The following RGPD8 variants were observed in gnomAD, a reference collection of about 807,000 sequenced individuals.
RGPD8 encodes RANBP2-like and GRIP domain-containing protein 8.
RGPD8 carries 15 observed loss-of-function variants against 89.1 expected under a neutral mutation model. The observed-to-expected ratio is 0.17, with a 90% CI of 0.11 to 0.26. The LOEUF is 0.26. Among genes scored for constraint, RGPD8 ranks in the 10% least tolerant of loss-of-function variants. The pLI is 1.00. For missense variants in RGPD8, 178 were observed against 1,179.6 expected, an observed-to-expected ratio of 0.15 and a Z score of 12.44; for synonymous variants, 62 against 420.9, an observed-to-expected ratio of 0.15 and a Z score of 10.44.
chr2:112,433,598 C>G lies in RGPD8; in HGVS notation c.-145G>C. On this transcript the variant is annotated 5_prime_UTR_variant, in exon 1 of 23. Coordinates refer to ENST00000302558, the MANE Select transcript of RGPD8 (RefSeq NM_001164463.1). Reference sequence around the variant, plus strand: ...CACTGTGACGAGCGTGCGGCGCCGCCCACGGAGGCCCACTGTGACGAACCT... The same window carrying G: ...CACTGTGACGAGCGTGCGGCGCCGCGCACGGAGGCCCACTGTGACGAACCT... 2 of 857,462 alleles carry G rather than the reference C, an allele frequency of 2.3e-6. No individual in the cohort carries two copies. Among genetic ancestry groups the G allele is most frequent in the Non-Finnish European group, 3.5e-6 (2 of 568,710 alleles). 53.1% of individuals were successfully genotyped at this position (857,462 alleles called of 1,614,324 possible).
chr2:112,381,678 A>T (rs1678303929), intron 20 of RGPD8, among the ~76,000 whole-genome samples: 1 of 144,640 alleles, frequency 6.9e-6, no homozygotes, highest in East Asian at 2.0e-4. Context: ...TCACTACAAA[A>T]ATTTAGCATT....
intron 22 of RGPD8, among the ~76,000 whole-genome samples, chr2:112,373,305 C>A (rs1392038265): frequency 1.3e-5 from 2 of 152,290 alleles, no homozygotes; most frequent in Non-Finnish European, 2.9e-5. Context: ...AGTCATTTTA[C>A]CTTATAACGC....
intron 20 of RGPD8, among the ~76,000 whole-genome samples, chr2:112,385,513 TG>T (rs1678441864): frequency 8.6e-6 from 1 of 116,590 alleles, no homozygotes; most frequent in African/African-American, 3.3e-5. Flanking sequence ...CCTCACAAGG[TG>T]GCTAGTCCAA....
At chr2:112,433,080 C>T (rs1680124659) in intron 1 of RGPD8, among the ~76,000 whole-genome samples, 1 of 97,346 alleles carries the variant, frequency 1.0e-5, no homozygotes, top group African/African-American at 3.0e-5. Flanking sequence ...CAACAGAGCG[C>T]GCCAGGGAGC....
At chr2:112,433,136 G>C (rs1437242773) in intron 1 of RGPD8, among the ~76,000 whole-genome samples, 2 of 118,634 alleles carry the variant, frequency 1.7e-5, no homozygotes, top group African/African-American at 6.3e-5. Context: ...GGCCGCCGCC[G>C]GGCCGGGTCG....
chr2:112,377,289 T>G lies in RGPD8; in HGVS notation c.5263+764A>C, dbSNP rs1346855303. 5.1e-5 allele frequency among the ~76,000 whole-genome samples: 4 copies of G among 78,952 alleles called. 1 individual carries two copies. Among genetic ancestry groups the G allele is most frequent in the Middle Eastern group, 0.01 (2 of 200 alleles). 51.8% of individuals were successfully genotyped at this position (78,952 alleles called of 152,430 possible). A position where few individuals can be genotyped will look rare whatever the true frequency, so the allele number is the denominator to read the frequency against. On this transcript the variant is annotated intron_variant, in intron 22 of 22. Transcript: ENST00000302558. ...CTCTAACTACATCATAGTTTTTTTT[T>G]TTTTTTTTTTTGAGATGGAGTCTCG...
intron 1 of RGPD8, among the ~76,000 whole-genome samples, chr2:112,426,331 A>C (rs1388069175): frequency 6.6e-6 from 1 of 151,994 alleles, no homozygotes; most frequent in East Asian, 1.9e-4. Flanking sequence ...GAGCACATAC[A>C]GCATGAATAT....
chr2:112,380,441 CAGG>C lies in RGPD8; in HGVS notation c.5061+380_5061+382del, dbSNP rs1247580164. On this transcript the variant is annotated intron_variant, in intron 21 of 22. Coordinates refer to ENST00000302558, the MANE Select transcript of RGPD8 (RefSeq NM_001164463.1). ...GGCCAAGGCAGGTGGATCACGAGGT[CAGG>C]AGATCGAGACCATCCTGGCTAACAT... Among the ~76,000 whole-genome samples, 17 of 138,224 alleles carry C rather than the reference CAGG, an allele frequency of 1.2e-4. 1 individual carries two copies. Among genetic ancestry groups the C allele is most frequent in the Middle Eastern group, 3.7e-3 (1 of 272 alleles). The allele number at this position is 138,224 out of a possible 152,430, so 90.7% of individuals were successfully genotyped here. A position where few individuals can be genotyped will look rare whatever the true frequency, so the allele number is the denominator to read the frequency against.
intron 7 of RGPD8, among the ~76,000 whole-genome samples, chr2:112,411,252 T>C (rs1218096885): frequency 2.2e-5 from 3 of 138,948 alleles, no homozygotes; most frequent in African/African-American, 8.3e-5. Flanking sequence ...TCGAAAGTTA[T>C]GCAAGCTCAT....
chr2:112,414,454 G>A (rs1278411677), intron 6 of RGPD8, among the ~76,000 whole-genome samples: 97 of 105,908 alleles, frequency 9.2e-4, no homozygotes, highest in African/African-American at 3.7e-3. Flanking sequence ...TCTAGCCTGG[G>A]CAACAAGAGC....
chr2:112,426,338 AT>A (rs1679766672), intron 1 of RGPD8, among the ~76,000 whole-genome samples: 1 of 151,882 alleles, frequency 6.6e-6, no homozygotes, highest in Admixed American at 6.6e-5. Context: ...TACAGCATGA[AT>A]ATGTTGGACA....
chr2:112,424,125 T>A (rs1412711681), intron 2 of RGPD8, 115 bp downstream of exon 2: 4 of 1,280,510 alleles, frequency 3.1e-6, no homozygotes, highest in Non-Finnish European at 4.2e-6. Flanking sequence ...AATCCCTTAT[T>A]CCAGAATACA....
intron 1 of RGPD8, among the ~76,000 whole-genome samples, chr2:112,431,159 G>C (rs993704442): frequency 7.2e-5 from 11 of 152,142 alleles, no homozygotes; most frequent in African/African-American, 2.7e-4. Flanking sequence ...TCGGGAGACT[G>C]AGGTGGGAGG....
chr2:112,374,558 TTCTC>T (rs1185242188), intron 22 of RGPD8, among the ~76,000 whole-genome samples: 1 of 136,118 alleles, frequency 7.3e-6, no homozygotes, highest in Non-Finnish European at 1.6e-5. Context: ...CTTTTGAGAT[TTCTC>T]TCTGTCTTTT....
chr2:112,422,560 A>G lies in RGPD8; in HGVS notation c.240T>C (p.Val80=). The change falls in exon 3 of 23, where the codon GTT becomes GTC. Residue 80 remains valine (V), a synonymous_variant. Coordinates refer to ENST00000302558, the MANE Select transcript of RGPD8 (RefSeq NM_001164463.1). ...YELEENTEKA[V]ECYRRSVELN... ...TCCTATAACTTACCCTGTAACATTCAACGGCTTTCTCTGTGTTTTCTTCCA... is the reference window on the plus strand; with the variant it reads ...TCCTATAACTTACCCTGTAACATTCGACGGCTTTCTCTGTGTTTTCTTCCA... The G allele has an allele frequency of 6.2e-7, 1 of 1,610,488 alleles. No homozygotes were observed. The highest frequency in any genetic ancestry group is 1.3e-5 in the African/African-American group (1 of 74,538).
intron 1 of RGPD8, among the ~76,000 whole-genome samples, chr2:112,428,612 T>A (rs1326683924): frequency 6.7e-6 from 1 of 150,088 alleles, no homozygotes; most frequent in Non-Finnish European, 1.5e-5. Flanking sequence ...TAAAGGGAAG[T>A]CCCAAGAGCA....
chr2:112,433,359 C>G (rs1371634562), intron 1 of RGPD8, 23 bp downstream of exon 1: 22 of 1,602,700 alleles, frequency 1.4e-5, no homozygotes, highest in Non-Finnish European at 1.9e-5. Flanking sequence ...TCGAGGCCGC[C>G]GCTCTCTTCC....
At position 112,425,383 on chromosome 2, in the gene RGPD8, GAAAT is replaced by G. The variant is rs1309287397; in HGVS notation, c.73-1080_73-1077del. 2.0e-4 allele frequency among the ~76,000 whole-genome samples: 31 copies of G among 151,810 alleles called. 1 individual carries two copies. Among genetic ancestry groups the G allele is most frequent in the African/African-American group, 7.5e-4 (31 of 41,374 alleles). ...TTACAGTCAAGGAGTCAAAAAGGCA[GAAAT>G]AAATATTGAATTCTTCAAGTAATAA... On this transcript the variant is annotated intron_variant, in intron 1 of 22. Coordinates refer to ENST00000302558, the MANE Select transcript of RGPD8 (RefSeq NM_001164463.1).
intron 22 of RGPD8, among the ~76,000 whole-genome samples, chr2:112,373,025 G>T (rs1678001143): frequency 6.9e-6 from 1 of 145,454 alleles, no homozygotes; most frequent in African/African-American, 2.8e-5. Context: ...GAGCAAAGAA[G>T]ATATAGAAAA....
Sources: allele counts gnomAD v4.1 joint callset (sites outside exome capture counted in the v4.1 genomes callset), GRCh38; gene constraint gnomAD v4.1.1; transcripts MANE v1.5; gene names NCBI Gene and HGNC (gene_info 2026-07-23, HGNC 2026-07-21).